CACNA1B: variants seen among roughly 807,000 people sequenced by gnomAD.
CACNA1B encodes calcium voltage-gated channel subunit alpha1 B, also known as voltage-dependent N-type calcium channel subunit alpha-1B.
A neutral mutation model predicts 247.2 loss-of-function variants in CACNA1B; 70 were observed. That is an observed-to-expected ratio of 0.28 (90% CI 0.23 to 0.35). The LOEUF is 0.35. Ranked by LOEUF, CACNA1B falls within the 10% of genes least tolerant of loss-of-function variation. CACNA1B has a pLI of 1.00. For synonymous variants in CACNA1B, 1,231 were observed against 1,294.4 expected (o/e 0.95, Z 1.05); for missense variants, 2,367 against 3,197.4 (o/e 0.74, Z 6.26).
chr9:137,890,783 AGT>A (rs1347767733), intron 3 of CACNA1B: 1 of 142,132 alleles, frequency 7.0e-6, no homozygotes, highest in African/African-American at 2.5e-5. Context: ...GTCCAGGGAG[AGT>A]GTGGTGGGGA....
chr9:137,992,753 G>A lies in CACNA1B; in HGVS notation c.1974+5899G>A, dbSNP rs965974471. On this transcript the variant is annotated intron_variant, in intron 15 of 46. Transcript: ENST00000371372. The stretch of plus-strand genomic sequence containing the variant: ...TGGAGCTTGCAGTGAGCCGAGATCC[G>A]GCCACTGCACTCCAGCCTGGGCGAC... 2.7e-5 allele frequency among the ~76,000 whole-genome samples: 4 copies of A among 150,514 alleles called. No individual in the cohort carries two copies. The South Asian group carries it at 6.3e-4, about 24-fold the overall frequency.
At chr9:137,980,770 G>T (rs1377154370) in intron 12 of CACNA1B, among the ~76,000 whole-genome samples, 1 of 152,100 alleles carries the variant, frequency 6.6e-6, no homozygotes, top group Non-Finnish European at 1.5e-5. Context: ...TTTGGTGTTT[G>T]TTTCTGCATT....
rs1027475762 is a variant in CACNA1B, at chr9:137,882,225, A to C, written c.391-519A>C. Among the ~76,000 whole-genome samples, 2 of 152,226 alleles carry C rather than the reference A, an allele frequency of 1.3e-5. No homozygotes were observed. The highest frequency in any genetic ancestry group is 4.8e-5 in the African/African-American group (2 of 41,466). On this transcript the variant is annotated intron_variant, in intron 2 of 46. Transcript: ENST00000371372. This position sits in a 1 kb window ranked among gnomAD's most constrained non-coding sequence, Gnocchi z 4.0. Reference sequence around the variant, plus strand: ...GGCAACCTTGTGCAGGTTCCCACCCAGAGGCTGCTGTGGCCTCTGCCTGGC... The same window carrying C: ...GGCAACCTTGTGCAGGTTCCCACCCCGAGGCTGCTGTGGCCTCTGCCTGGC...
chr9:138,105,771 C>G lies in CACNA1B; in HGVS notation c.5392C>G (p.Leu1798Val). 6.4e-7 allele frequency: 1 copy of G among 1,563,926 alleles called. No homozygotes were observed. Residue 1798 changes from leucine to valine, a missense_variant, in exon 39 of 47, where the codon CTC becomes GTC. By Grantham distance (32) the Leu-to-Val change is conservative (BLOSUM62 1). This residue lies in a region of CACNA1B where 773 missense variants were observed against 779.4 expected (regional missense o/e 0.99). Transcript: ENST00000371372. The part of the protein sequence containing the change: ...TVHFTSTLMA[L>V]IRTALEIKLA... Reference sequence around the variant, plus strand: ...TCACTTCACGTCCACGCTGATGGCCCTCATCCGGACGGCACTGGAGATCAA... The same window carrying G: ...TCACTTCACGTCCACGCTGATGGCCGTCATCCGGACGGCACTGGAGATCAA...
intron 12 of CACNA1B, among the ~76,000 whole-genome samples, chr9:137,982,692 C>A (rs1006255337): frequency 6.6e-6 from 1 of 152,168 alleles, no homozygotes; most frequent in Admixed American, 6.5e-5. Context: ...AATCTTCAAC[C>A]CTAGGCAAAC....
At chr9:138,083,969 G>C (rs774088547) in intron 36 of CACNA1B, among the ~76,000 whole-genome samples, 1 of 150,998 alleles carries the variant, frequency 6.6e-6, no homozygotes, top group Non-Finnish European at 1.5e-5. Flanking sequence ...TATTGGTTCA[G>C]GTTCCTGAAT....
intron 3 of CACNA1B, among the ~76,000 whole-genome samples, chr9:137,886,443 C>T (rs1286398347): frequency 2.6e-5 from 4 of 152,044 alleles, no homozygotes; most frequent in African/African-American, 7.2e-5. Flanking sequence ...CTCTCTGGCC[C>T]TGTGTCTGTC....
chr9:138,106,191 T>C (rs1024519476), intron 39 of CACNA1B, among the ~76,000 whole-genome samples: 13 of 152,266 alleles, frequency 8.5e-5, no homozygotes, highest in African/African-American at 2.6e-4. Flanking sequence ...CATCCGGTCT[T>C]TCCCTGATCT....
chr9:137,945,694 C>G (rs1256839126), intron 6 of CACNA1B, among the ~76,000 whole-genome samples: 1 of 152,226 alleles, frequency 6.6e-6, no homozygotes, highest in Admixed American at 6.5e-5. Flanking sequence ...TCCTTTAACC[C>G]TCTAAACTTA....
intron 32 of CACNA1B, among the ~76,000 whole-genome samples, chr9:138,070,753 C>G (rs1428292217): frequency 6.6e-6 from 1 of 152,246 alleles, no homozygotes; most frequent in Non-Finnish European, 1.5e-5. Flanking sequence ...CTCAGAGAGC[C>G]CTTCCCCACA....
chr9:137,920,457 A>G (rs1564889857), intron 6 of CACNA1B, among the ~76,000 whole-genome samples: 1 of 152,344 alleles, frequency 6.6e-6, no homozygotes, highest in East Asian at 1.9e-4. Flanking sequence ...TCAGCCTCCC[A>G]AAGTGCTGGG....
chr9:138,105,864 C>T, intron 39 of CACNA1B, 57 bp downstream of exon 39: 1 of 947,360 alleles, frequency 1.1e-6, no homozygotes, highest in Non-Finnish European at 1.6e-6. Flanking sequence ...CACCTCCGCC[C>T]TCAGTGTCAG....
chr9:138,112,955 G>GAC (rs1961699518), intron 40 of CACNA1B, among the ~76,000 whole-genome samples: 2 of 137,652 alleles, frequency 1.5e-5, no homozygotes, highest in Non-Finnish European at 1.6e-5. Flanking sequence ...ATCTTGGAGA[G>GAC]GTGAGGGAGC....
At chr9:137,967,683 C>G (rs1053510002) in intron 10 of CACNA1B, among the ~76,000 whole-genome samples, 1 of 151,030 alleles carries the variant, frequency 6.6e-6, no homozygotes, top group East Asian at 2.0e-4. Flanking sequence ...GCTGCTGTGC[C>G]CACTGCAAGT....
intron 15 of CACNA1B, among the ~76,000 whole-genome samples, chr9:138,002,742 CT>C (rs1331605978): frequency 6.6e-6 from 1 of 151,880 alleles, no homozygotes; most frequent in South Asian, 2.1e-4. Flanking sequence ...ATGAAAATAT[CT>C]TTATGATCTT....
chr9:138,108,766 A>T (rs1376631614), intron 39 of CACNA1B, among the ~76,000 whole-genome samples: 1 of 151,942 alleles, frequency 6.6e-6, no homozygotes, highest in Non-Finnish European at 1.5e-5. Flanking sequence ...CTCCTGCCTC[A>T]GCCTCCCGAG....
rs201359846 is a variant in CACNA1B, at chr9:138,024,922, G to T, written c.3069-33G>T. On this transcript the variant is annotated intron_variant, in intron 19 of 46. Coordinates refer to ENST00000371372, the MANE Select transcript of CACNA1B (RefSeq NM_000718.4). The stretch of plus-strand genomic sequence containing the variant: ...GCCGGGATCACAGGTGTGAGCCACT[G>T]CGCCGAGGCCTGATGTACATTCTTG... The T allele has an allele frequency of 2.5e-4, 363 of 1,478,154 alleles. 2 individuals carry two copies. Among genetic ancestry groups the T allele is most frequent in the Non-Finnish European group, 5.6e-5 (61 of 1,081,890 alleles). The allele number at this position is 1,478,154 out of a possible 1,614,324, so 91.6% of individuals were successfully genotyped here.
chr9:137,914,967 A>G lies in CACNA1B; in HGVS notation c.775+161A>G, dbSNP rs542851516. Among the ~76,000 whole-genome samples the G allele has an allele frequency of 7.9e-4, 120 of 152,370 alleles. No homozygotes were observed. Among genetic ancestry groups the G allele is most frequent in the Middle Eastern group, 6.8e-3 (2 of 294 alleles). On this transcript the variant is annotated intron_variant, in intron 5 of 46. Transcript: ENST00000371372. This position sits in a 1 kb window ranked among gnomAD's most constrained non-coding sequence, Gnocchi z 4.3. The stretch of plus-strand genomic sequence containing the variant: ...ACATAGACGATAGCCTGATAAACAC[A>G]AGTAAATAAACACAGAAATATAATA...
intron 6 of CACNA1B, among the ~76,000 whole-genome samples, chr9:137,946,461 G>A (rs1400155941): frequency 6.6e-6 from 1 of 152,188 alleles, no homozygotes; most frequent in East Asian, 1.9e-4. Context: ...AACCAGGAAA[G>A]ACAGAAAAGA....
Sources: allele counts gnomAD v4.1 joint callset (sites outside exome capture counted in the v4.1 genomes callset), GRCh38; gene constraint gnomAD v4.1.1; regional missense constraint gnomAD v4.1.1; non-coding constraint Gnocchi (gnomAD v3.1); transcripts MANE v1.5; gene names NCBI Gene and HGNC (gene_info 2026-07-23, HGNC 2026-07-21).